The following COG6 variants were observed in gnomAD, a reference collection of about 807,000 sequenced individuals.
COG6 encodes the protein component of oligomeric golgi complex 6.
A neutral mutation model predicts 88.8 loss-of-function variants in COG6; 74 were observed. The ratio of observed to expected loss-of-function variants is 0.83; its 90% CI spans 0.69 to 1.01. The LOEUF (loss-of-function observed/expected upper bound fraction) is 1.01. Ranked by LOEUF, COG6 falls within the 50% of genes least tolerant of loss-of-function variation. COG6 has a pLI of 0.00. For synonymous variants in COG6, 286 were observed against 278.7 expected (o/e 1.03, Z -0.26); for missense variants, 800 against 797.9 (o/e 1.00, Z -0.03).
chr13:39,660,955 A>G, intron 3 of COG6, 74 bp downstream of exon 3: 1 of 874,362 alleles, frequency 1.1e-6, no homozygotes, highest in South Asian at 1.3e-5. Flanking sequence ...CAAAATGTGT[A>G]GATATCTAAT....
intron 8 of COG6, among the ~76,000 whole-genome samples, chr13:39,687,156 A>G (rs750974824): frequency 6.6e-6 from 1 of 152,084 alleles, no homozygotes; most frequent in African/African-American, 2.4e-5. Flanking sequence ...AGTATAGTGA[A>G]TATACTGAAA....
intron 13 of COG6, among the ~76,000 whole-genome samples, chr13:39,700,936 A>G (rs2138035903): frequency 6.6e-6 from 1 of 152,064 alleles, no homozygotes; most frequent in East Asian, 1.9e-4. Flanking sequence ...CATCTTAAAT[A>G]GAAGAAAGAA....
At chr13:39,700,816 T>C (rs1412423012) in intron 13 of COG6, among the ~76,000 whole-genome samples, 1 of 151,830 alleles carries the variant, frequency 6.6e-6, no homozygotes, top group African/African-American at 2.4e-5. Context: ...TTTAGCAAAC[T>C]TATCTGTACT....
chr13:39,733,465 A>AAAGT (rs1879567926), intron 18 of COG6, among the ~76,000 whole-genome samples: 1 of 152,120 alleles, frequency 6.6e-6, no homozygotes, highest in South Asian at 2.1e-4. Flanking sequence ...CTGGGATTAC[A>AAAGT]GGTGTGAGCC....
At chr13:39,743,443 A>G (rs1337534626) in intron 18 of COG6, among the ~76,000 whole-genome samples, 2 of 152,218 alleles carry the variant, frequency 1.3e-5, no homozygotes, top group Admixed American at 6.5e-5. Context: ...TACCACAGAC[A>G]TACAAACTAC....
chr13:39,754,767 T>G (rs2138155253), downstream of COG6, among the ~76,000 whole-genome samples: 1 of 152,322 alleles, frequency 6.6e-6, no homozygotes, highest in South Asian at 2.1e-4. Flanking sequence ...TGTTTCCCGT[T>G]GAGGAATTCC....
At chr13:39,700,118 G>A (rs1877495499) in intron 13 of COG6, among the ~76,000 whole-genome samples, 1 of 151,802 alleles carries the variant, frequency 6.6e-6, no homozygotes, top group Non-Finnish European at 1.5e-5. Flanking sequence ...AGTCCTGTAA[G>A]ATCTAATATC....
Position 39,764,006 on chromosome 13 carries a change from A to C in COG6, c.1827-24329A>C, listed in dbSNP as rs532443568. Among the ~76,000 whole-genome samples the C allele has an allele frequency of 8.6e-5, 13 of 151,972 alleles. No homozygotes were observed. The East Asian group carries it at 2.3e-3, about 27-fold the overall frequency. On this transcript the variant is annotated intron_variant, in intron 18 of 18. Coordinates refer to the COG6 transcript ENST00000416691. The stretch of plus-strand genomic sequence containing the variant: ...TACTTCTTTCTTAAATGTTTAGAAG[A>C]GTTTCAAGTAGAGCCAACTAAACCT...
intron 11 of COG6, among the ~76,000 whole-genome samples, chr13:39,693,718 G>A (rs1230050537): frequency 1.3e-5 from 2 of 151,820 alleles, no homozygotes; most frequent in African/African-American, 4.8e-5. Flanking sequence ...GTTTTCATAT[G>A]CAGATATAAA....
chr13:39,733,404 T>G (rs989280941), intron 18 of COG6, among the ~76,000 whole-genome samples: 2 of 152,050 alleles, frequency 1.3e-5, no homozygotes, highest in Non-Finnish European at 2.9e-5. Context: ...TTGGCCCGGC[T>G]GATCTCAAAC....
exon 19 of COG6, chr13:39,790,697 C>T (rs891996352): frequency 6.6e-6 from 1 of 152,020 alleles, no homozygotes; most frequent in African/African-American, 2.4e-5. Flanking sequence ...GAACTGACAT[C>T]TTTATAATAT....
intron 18 of COG6, among the ~76,000 whole-genome samples, chr13:39,742,193 A>G (rs1255673791): frequency 6.6e-6 from 1 of 152,212 alleles, no homozygotes; most frequent in Non-Finnish European, 1.5e-5. Flanking sequence ...AAACAGCATC[A>G]ACTAACGGGC....
chr13:39,745,754 A>T (rs1424120486), intron 18 of COG6, among the ~76,000 whole-genome samples: 1 of 152,212 alleles, frequency 6.6e-6, no homozygotes, highest in Non-Finnish European at 1.5e-5. Context: ...AAGGATTATA[A>T]ATCATGCTAC....
chr13:39,748,846 C>G (rs1880475805), intron 18 of COG6, among the ~76,000 whole-genome samples: 1 of 152,098 alleles, frequency 6.6e-6, no homozygotes, highest in Admixed American at 6.6e-5. Flanking sequence ...AGTTTGGACC[C>G]CATTAGAACA....
intron 11 of COG6, among the ~76,000 whole-genome samples, chr13:39,690,973 C>G (rs1876946320): frequency 1.3e-5 from 2 of 151,660 alleles, no homozygotes; most frequent in South Asian, 4.1e-4. Context: ...TTTTGCTATG[C>G]TTTTATACCT....
rs186719816 is a variant in COG6, at chr13:39,722,852, C to T, written c.1585-481C>T. Among the ~76,000 whole-genome samples the T allele has an allele frequency of 1.1e-3, 160 of 152,120 alleles. 2 individuals are homozygous for T. The highest frequency in any genetic ancestry group is 3.4e-3 in the Middle Eastern group (1 of 294). Reference sequence around the variant, plus strand: ...GGGCCCTCAGCTCTTCCCTACTTGTCACAGACCTGCCTTATCCTCAGGAGA... The same window carrying T: ...GGGCCCTCAGCTCTTCCCTACTTGTTACAGACCTGCCTTATCCTCAGGAGA... On this transcript the variant is annotated intron_variant, in intron 15 of 18. Transcript: ENST00000455146.
intron 18 of COG6, among the ~76,000 whole-genome samples, chr13:39,747,943 T>G (rs1205598864): frequency 6.6e-6 from 1 of 152,242 alleles, no homozygotes; most frequent in Non-Finnish European, 1.5e-5. Context: ...ATATTCAATA[T>G]TTATAATTGT....
At chr13:39,719,149 AC>A in intron 13 of COG6, 86 bp from the exon 14 acceptor site, 1 of 1,197,958 alleles carries the variant, frequency 8.3e-7, no homozygotes, top group Non-Finnish European at 1.1e-6. Flanking sequence ...TATAACTTTT[AC>A]ATTTTTTTTT....
chr13:39,726,852 C>G (rs1373093953), intron 17 of COG6, among the ~76,000 whole-genome samples: 5 of 151,932 alleles, frequency 3.3e-5, no homozygotes, highest in African/African-American at 1.2e-4. Context: ...TTCAAATGTC[C>G]TTTCCTGAGA....
Sources: gnomAD v4.1 joint callset for allele counts (sites outside exome capture counted in the v4.1 genomes callset) on GRCh38, gnomAD v4.1.1 for gene constraint, MANE v1.5 for transcripts, NCBI Gene and HGNC (gene_info 2026-07-23, HGNC 2026-07-21) for gene names.